PREX2: variants seen among roughly 807,000 people sequenced by gnomAD.
PREX2 encodes the protein phosphatidylinositol-3,4,5-trisphosphate dependent Rac exchange factor 2.
PREX2 carries 107 observed loss-of-function variants against 203.2 expected under a neutral mutation model. The observed-to-expected ratio is 0.53, with a 90% CI of 0.45 to 0.62. The LOEUF (loss-of-function observed/expected upper bound fraction) is 0.62. Ranked by LOEUF, PREX2 falls within the 20% of genes least tolerant of loss-of-function variation. The pLI is 0.00. For missense variants in PREX2, 1,777 were observed against 1,955.9 expected, an observed-to-expected ratio of 0.91 and a Z score of 1.72; for synonymous variants, 672 against 663.6, an observed-to-expected ratio of 1.01 and a Z score of -0.19.
chr8:68,214,370 A>G (rs1308280643), intron 37 of PREX2, among the ~76,000 whole-genome samples: 1 of 152,172 alleles, frequency 6.6e-6, no homozygotes, highest in Non-Finnish European at 1.5e-5. Context: ...ACTGCATTCC[A>G]GCCTGGGCAA....
intron 1 of PREX2, among the ~76,000 whole-genome samples, chr8:67,970,299 C>G (rs567367149): frequency 6.6e-6 from 1 of 152,250 alleles, no homozygotes; most frequent in South Asian, 2.1e-4. Flanking sequence ...CATCAAACTA[C>G]CGCCCCACAC....
At chr8:68,073,119 A>T (rs1226366613) in intron 14 of PREX2, among the ~76,000 whole-genome samples, 3 of 151,758 alleles carry the variant, frequency 2.0e-5, no homozygotes, top group Non-Finnish European at 2.9e-5. Flanking sequence ...AAAAAAAATT[A>T]GGGCATCCTT....
chr8:68,217,353 T>C (rs1812863808), intron 37 of PREX2, among the ~76,000 whole-genome samples: 1 of 152,240 alleles, frequency 6.6e-6, no homozygotes. Context: ...TAATTCTGGT[T>C]ATTTAATTTT....
Position 68,077,418 on chromosome 8 carries a change from G to T in PREX2, c.1591G>T (p.Glu531Ter). 1.9e-6 allele frequency: 3 copies of T among 1,613,940 alleles called. No homozygotes were observed. Among genetic ancestry groups the T allele is most frequent in the Non-Finnish European group, 1.7e-6 (2 of 1,179,832 alleles). Reference protein sequence around the residue: ...IAQGDCRTREEAMIFGVGLCD... With the variant: ...IAQGDCRTRE ...ACAGGGAGATTGCCGCACCAGAGAA[G>T]AGGCAATGATATTTGGCGTTGGACT... Residue 531 changes from glutamate to a stop codon, truncating the protein, a stop_gained, in exon 15 of 40, where the codon GAG becomes TAG. Transcript: ENST00000288368. LOFTEE classifies it high-confidence loss of function.
chr8:68,142,434 A>G (rs1391456457), intron 33 of PREX2, among the ~76,000 whole-genome samples: 1 of 152,200 alleles, frequency 6.6e-6, no homozygotes, highest in Non-Finnish European at 1.5e-5. Context: ...AGGAATATGC[A>G]TTTAAGCTTC....
chr8:68,066,060 C>A (rs114868373), intron 11 of PREX2, among the ~76,000 whole-genome samples: 1,923 of 152,226 alleles, frequency 0.013, 43 homozygotes, highest in African/African-American at 0.043. Context: ...AAGATCTACT[C>A]TCTTAGCAAT....
At chr8:68,112,748 C>T (rs1048137997) in intron 25 of PREX2, among the ~76,000 whole-genome samples, 5 of 152,128 alleles carry the variant, frequency 3.3e-5, no homozygotes, top group African/African-American at 1.2e-4. Flanking sequence ...AGAGGAAATC[C>T]TGCTTAATTT....
intron 30 of PREX2, among the ~76,000 whole-genome samples, chr8:68,124,069 T>C (rs1217527314): frequency 2.6e-5 from 4 of 152,148 alleles, no homozygotes; most frequent in African/African-American, 9.6e-5. Flanking sequence ...TTACCTACCA[T>C]GATCAAGTAG....
intron 11 of PREX2, among the ~76,000 whole-genome samples, chr8:68,062,717 A>G (rs2129611393): frequency 6.6e-6 from 1 of 151,782 alleles, no homozygotes. Context: ...TTAGAAGCCC[A>G]TCCTGTCCTG....
At chr8:68,137,976 A>G (rs1373061993) in intron 32 of PREX2, among the ~76,000 whole-genome samples, 1 of 152,148 alleles carries the variant, frequency 6.6e-6, no homozygotes, top group Non-Finnish European at 1.5e-5. Flanking sequence ...GAATATGAAT[A>G]AGTTATCTCA....
At chr8:68,052,985 A>C in intron 8 of PREX2, 112 bp from the exon 9 acceptor site, 1 of 862,100 alleles carries the variant, frequency 1.2e-6, no homozygotes, top group Non-Finnish European at 1.8e-6. Flanking sequence ...TAAAGCAAAG[A>C]GATGTTGAAC....
intron 23 of PREX2, among the ~76,000 whole-genome samples, chr8:68,102,068 G>A (rs1810281252): frequency 6.6e-6 from 1 of 152,198 alleles, no homozygotes; most frequent in Non-Finnish European, 1.5e-5. Context: ...TTAAGGCGCA[G>A]ATGGGCAGGC....
intron 22 of PREX2, among the ~76,000 whole-genome samples, chr8:68,098,034 A>G (rs1810137812): frequency 6.6e-6 from 1 of 152,202 alleles, no homozygotes; most frequent in South Asian, 2.1e-4. Flanking sequence ...AGAGGTCTTT[A>G]GGCTGAAACA....
At chr8:68,224,681 G>A (rs961090388) in intron 39 of PREX2, 55 bp downstream of exon 39, 8 of 1,348,624 alleles carry the variant, frequency 5.9e-6, no homozygotes, top group African/African-American at 1.4e-5. Flanking sequence ...CATTTTCCCC[G>A]GCAGTGTCCC....
chr8:68,204,355 T>C (rs565929057), intron 37 of PREX2, among the ~76,000 whole-genome samples: 83 of 152,320 alleles, frequency 5.4e-4, no homozygotes, highest in Middle Eastern at 3.4e-3. Context: ...TGGCAGTTGA[T>C]TTTTAAGCTT....
At chr8:68,114,283 T>C (rs913593325) in intron 25 of PREX2, 1 of 507,288 alleles carries the variant, frequency 2.0e-6, no homozygotes, top group African/African-American at 1.9e-5. Context: ...GGTTTGACAT[T>C]ATGGAATATG....
intron 35 of PREX2, among the ~76,000 whole-genome samples, chr8:68,189,413 C>T (rs1404725250): frequency 2.0e-5 from 3 of 152,106 alleles, no homozygotes; most frequent in African/African-American, 7.2e-5. Context: ...AGCTCCTGCC[C>T]CATTGCATGT....
At chr8:67,987,234 T>C (rs1249335131) in intron 1 of PREX2, among the ~76,000 whole-genome samples, 1 of 152,040 alleles carries the variant, frequency 6.6e-6, no homozygotes, top group Non-Finnish European at 1.5e-5. Context: ...AAGTCATTGT[T>C]TTCATTTTTT....
At chr8:68,116,708 C>T (rs1204924146) in intron 26 of PREX2, among the ~76,000 whole-genome samples, 1 of 152,166 alleles carries the variant, frequency 6.6e-6, no homozygotes, top group Non-Finnish European at 1.5e-5. Context: ...GGCTTAAGGT[C>T]ACGCCCTAAT....
Sources: allele counts gnomAD v4.1 joint callset (sites outside exome capture counted in the v4.1 genomes callset), GRCh38; gene constraint gnomAD v4.1.1; transcripts MANE v1.5; gene names NCBI Gene and HGNC (gene_info 2026-07-23, HGNC 2026-07-21).